RAI2: variants seen among roughly 807,000 people sequenced by gnomAD.
The protein encoded by RAI2 is retinoic acid induced 2.
Under a neutral mutation model 15.3 loss-of-function variants are expected in RAI2, and 5 were observed. The observed-to-expected ratio is 0.33, with a 90% CI of 0.17 to 0.69. The LOEUF (loss-of-function observed/expected upper bound fraction) is 0.69, where lower values mean the gene tolerates loss of function less well. Among genes scored for constraint, RAI2 ranks in the 30% least tolerant of loss-of-function variants. RAI2 has a pLI of 0.69. For missense variants in RAI2, 424 were observed against 424.7 expected (o/e 1.00, Z 0.01); for synonymous variants, 191 against 184.0 (o/e 1.04, Z -0.31).
At chrX:17,843,275 G>A (rs192064922) in intron 1 of RAI2, among the ~76,000 whole-genome samples, 120 of 111,930 alleles carry the variant, frequency 1.1e-3, no homozygotes, top group Admixed American at 2.0e-3. Context: ...AGTGCTCCTG[G>A]TGCTGGAAAG....
intron 1 of RAI2, among the ~76,000 whole-genome samples, chrX:17,825,033 T>C (rs1451607111): frequency 8.9e-6 from 1 of 112,643 alleles, no homozygotes; most frequent in Non-Finnish European, 1.9e-5. Flanking sequence ...TTAAATGTGC[T>C]TGTATGTGTA....
intron 1 of RAI2, among the ~76,000 whole-genome samples, chrX:17,841,786 G>A (rs1480732775): frequency 8.9e-6 from 1 of 112,256 alleles, no homozygotes; most frequent in Non-Finnish European, 1.9e-5. Flanking sequence ...GTGGAAGCAC[G>A]TGCGATGGCA....
intron 1 of RAI2, among the ~76,000 whole-genome samples, chrX:17,829,505 C>A (rs2067260868): frequency 9.0e-6 from 1 of 111,104 alleles, no homozygotes; most frequent in African/African-American, 3.3e-5. Context: ...CTAAGGTCAG[C>A]TGGATTTAGG....
At chrX:17,843,302 G>A (rs1181607247) in intron 1 of RAI2, among the ~76,000 whole-genome samples, 1 of 111,697 alleles carries the variant, frequency 9.0e-6, no homozygotes, top group Non-Finnish European at 1.9e-5. Flanking sequence ...GCAGCTCTGT[G>A]AGAACAATGC....
At chrX:17,829,608 C>G (rs1443104459) in intron 1 of RAI2, among the ~76,000 whole-genome samples, 1 of 112,538 alleles carries the variant, frequency 8.9e-6, no homozygotes, top group Non-Finnish European at 1.9e-5. Flanking sequence ...AAATCCTTAA[C>G]CAAGATGTTT....
chrX:17,808,295 C>T (rs1791700647), intron 1 of RAI2, among the ~76,000 whole-genome samples: 2 of 110,561 alleles, frequency 1.8e-5, no homozygotes, highest in Admixed American at 9.6e-5. Flanking sequence ...AGCCCAGACC[C>T]ACTGAATCAG....
At chrX:17,823,041 G>A (rs778253793) in intron 1 of RAI2, among the ~76,000 whole-genome samples, 1 of 112,210 alleles carries the variant, frequency 8.9e-6, no homozygotes, top group African/African-American at 3.2e-5. Context: ...AAGTCCTTCC[G>A]ACTTGTAAAG....
intron 1 of RAI2, among the ~76,000 whole-genome samples, chrX:17,803,534 AAAAAG>A (rs962919331): frequency 2.9e-4 from 32 of 111,242 alleles, no homozygotes; most frequent in African/African-American, 5.9e-4. Flanking sequence ...CCTTTAAAAA[AAAAAG>A]AAAAGAAAAG....
intron 1 of RAI2, among the ~76,000 whole-genome samples, chrX:17,813,482 C>A (rs999654878): frequency 9.0e-6 from 1 of 111,243 alleles, no homozygotes; most frequent in Non-Finnish European, 1.9e-5. Flanking sequence ...TGGGGAGGAA[C>A]CTTCCTAGCT....
chrX:17,857,057 C>T (rs900347092), intron 1 of RAI2, among the ~76,000 whole-genome samples: 3 of 111,676 alleles, frequency 2.7e-5, no homozygotes, highest in African/African-American at 9.8e-5. Context: ...AGATGATGGG[C>T]ACCCGGGCAG....
chrX:17,800,489 CT>C lies in RAI2; in HGVS notation c.1521del (p.Val508Ter), dbSNP rs2066888573. On this transcript the variant is annotated frameshift_variant, in exon 2 of 2. Coordinates refer to ENST00000451717, the MANE Select transcript of RAI2 (RefSeq NM_021785.6). LOFTEE classifies it high-confidence loss of function. Reference sequence around the variant, plus strand: ...AGCATGTGTATTTCCTGGGAGTTCACTTTCTTTAACTTTATGCTCCGGTTTT... The same window carrying C: ...AGCATGTGTATTTCCTGGGAGTTCACTTCTTTAACTTTATGCTCCGGTTTT... Reference protein sequence around the residue: ...PIKNRSIKLKKVNSQEIHMLP... With the variant: ...PIKNRSIKLKXVNSQEIHMLP... The C allele has an allele frequency of 8.3e-7, 1 of 1,209,166 alleles. No individual in the cohort carries two copies. Among genetic ancestry groups the C allele is most frequent in the African/African-American group, 1.8e-5 (1 of 57,043 alleles).
At chrX:17,812,661 G>A (rs769362479) in intron 1 of RAI2, among the ~76,000 whole-genome samples, 30 of 111,575 alleles carry the variant, frequency 2.7e-4, no homozygotes, top group African/African-American at 7.2e-4. Context: ...TCCTTTGCAC[G>A]AGAGCTTAAG....
chrX:17,835,503 C>A (rs2067324720), intron 1 of RAI2, among the ~76,000 whole-genome samples: 1 of 111,939 alleles, frequency 8.9e-6, no homozygotes, highest in Non-Finnish European at 1.9e-5. Context: ...GCCCTTCCTG[C>A]ACCAGCTGTG....
At chrX:17,814,512 C>T (rs748924428) in intron 1 of RAI2, among the ~76,000 whole-genome samples, 13 of 108,118 alleles carry the variant, frequency 1.2e-4, no homozygotes, top group South Asian at 4.2e-4. Context: ...ATGTGAATAT[C>T]GAAATGTCAT....
chrX:17,849,012 TGAC>T (rs1188274879), intron 1 of RAI2, among the ~76,000 whole-genome samples: 1 of 112,463 alleles, frequency 8.9e-6, no homozygotes, highest in Non-Finnish European at 1.9e-5. Flanking sequence ...AAAGCTGGGA[TGAC>T]GACGAGAGGG....
At chrX:17,836,437 T>G (rs1248970690) in intron 1 of RAI2, among the ~76,000 whole-genome samples, 1 of 112,344 alleles carries the variant, frequency 8.9e-6, no homozygotes, top group African/African-American at 3.2e-5. Flanking sequence ...TATAATACAG[T>G]GTTGACTATC....
At chrX:17,804,286 A>G (rs1340195065) in intron 1 of RAI2, among the ~76,000 whole-genome samples, 1 of 112,153 alleles carries the variant, frequency 8.9e-6, no homozygotes, top group Non-Finnish European at 1.9e-5. Context: ...TCATGCATGC[A>G]TGTATGAATT....
At chrX:17,851,664 T>C (rs1323654912) in intron 1 of RAI2, among the ~76,000 whole-genome samples, 2 of 111,625 alleles carry the variant, frequency 1.8e-5, no homozygotes, top group African/African-American at 6.5e-5. Context: ...TCTATGACCC[T>C]TTCCAAGCAC....
chrX:17,836,227 T>C (rs1459423383), intron 1 of RAI2, among the ~76,000 whole-genome samples: 1 of 111,769 alleles, frequency 8.9e-6, no homozygotes, highest in Non-Finnish European at 1.9e-5. Context: ...TCATTGTAGC[T>C]TGAAAATTAA....
Sources: allele counts gnomAD v4.1 joint callset (sites outside exome capture counted in the v4.1 genomes callset), GRCh38; gene constraint gnomAD v4.1.1; transcripts MANE v1.5; gene names NCBI Gene and HGNC (gene_info 2026-07-23, HGNC 2026-07-21).